UBE3C: variants seen among roughly 807,000 people sequenced by gnomAD.
UBE3C encodes ubiquitin protein ligase E3C.
In UBE3C, 42 loss-of-function variants were observed where a neutral mutation model predicts 129.4. The observed-to-expected ratio is 0.32, with a 90% CI of 0.25 to 0.42. The LOEUF is 0.42. UBE3C is among the 10% of genes least tolerant of loss of function. The pLI, the probability that UBE3C is intolerant of heterozygous loss-of-function variation, is 1.00. For synonymous variants in UBE3C, 510 were observed against 492.4 expected (o/e 1.04, Z -0.47); for missense variants, 1,049 against 1,319.1 (o/e 0.80, Z 3.17).
chr7:157,189,054 C>T lies in UBE3C; in HGVS notation c.1331+2033C>T, dbSNP rs530569581. ...GACACAGGACAGTATGTAGAAGAAC[C>T]GGCTTTTCCTATAAGAAGGATGGAA... On this transcript the variant is annotated intron_variant, in intron 10 of 22. Coordinates refer to ENST00000348165, the MANE Select transcript of UBE3C (RefSeq NM_014671.3). The T allele has an allele frequency of 3.3e-5, 14 of 427,212 alleles. No individual in the cohort carries two copies. The Admixed American group carries it at 3.6e-4, about 11-fold the overall frequency. The allele number at this position is 427,212 out of a possible 1,614,324, so 26.5% of individuals were successfully genotyped here.
intron 22 of UBE3C, among the ~76,000 whole-genome samples, chr7:157,261,737 T>A (rs1796919819): frequency 6.6e-6 from 1 of 152,232 alleles, no homozygotes; most frequent in Admixed American, 6.5e-5. Context: ...AAGAATAACA[T>A]CTGCTAAAGC....
At chr7:157,151,432 A>G (rs1326918861) in intron 1 of UBE3C, among the ~76,000 whole-genome samples, 1 of 152,212 alleles carries the variant, frequency 6.6e-6, no homozygotes, top group East Asian at 1.9e-4. Context: ...TGGAAATGTA[A>G]CAAAGAAATT....
Position 157,175,137 on chromosome 7 carries a change from C to CTTTTTTTTTTTTTTT in UBE3C, c.458+110_458+124dup, listed in dbSNP as rs56852731. ...TTTCAGAGACAGTGGCTTTTCCATA[C>CTTTTTTTTTTTTTTT]TTTTTTTTTTTTTTTTTTTTTGAGG... On this transcript the variant is annotated intron_variant, in intron 5 of 22. Coordinates refer to ENST00000348165, the MANE Select transcript of UBE3C (RefSeq NM_014671.3). 3.8e-4 allele frequency: 95 copies of CTTTTTTTTTTTTTTT among 252,752 alleles called. 5 individuals carry two copies. Among genetic ancestry groups the CTTTTTTTTTTTTTTT allele is most frequent in the African/African-American group, 1.1e-3 (27 of 24,224 alleles). 15.7% of individuals were successfully genotyped at this position (252,752 alleles called of 1,614,324 possible).
intron 4 of UBE3C, among the ~76,000 whole-genome samples, chr7:157,173,239 C>T (rs532203642): frequency 5.3e-5 from 8 of 152,036 alleles, no homozygotes; most frequent in South Asian, 2.1e-4. Context: ...TAGCTGGCTG[C>T]GGTAGCTTGC....
chr7:157,226,174 ATATT>A (rs1277319762), intron 17 of UBE3C, among the ~76,000 whole-genome samples: 154 of 152,208 alleles, frequency 1.0e-3, no homozygotes, highest in Non-Finnish European at 1.0e-4. Context: ...TTTTGTATAA[ATATT>A]TATATGAAAT....
chr7:157,182,410 C>T (rs953134209), intron 8 of UBE3C, 82 bp downstream of exon 8: 34 of 1,413,772 alleles, frequency 2.4e-5, no homozygotes, highest in Non-Finnish European at 3.0e-5. Flanking sequence ...CATGCAGTGG[C>T]AGGTGTTATG....
intron 18 of UBE3C, among the ~76,000 whole-genome samples, chr7:157,242,162 G>A (rs1419215651): frequency 2.0e-5 from 3 of 152,188 alleles, no homozygotes; most frequent in Non-Finnish European, 4.4e-5. Context: ...CAAAGGAATC[G>A]TGCGGTAGGT....
intron 4 of UBE3C, among the ~76,000 whole-genome samples, chr7:157,174,360 C>T (rs1289397391): frequency 1.3e-5 from 2 of 152,130 alleles, no homozygotes; most frequent in Non-Finnish European, 2.9e-5. Flanking sequence ...ATTTTTGTTT[C>T]AGATTGACAT....
Position 157,181,678 on chromosome 7 carries a change from CTG to C in UBE3C, c.770+8_770+9del. 6.2e-7 allele frequency: 1 copy of C among 1,611,868 alleles called. No homozygotes were observed. The highest frequency in any genetic ancestry group is 8.5e-7 in the Non-Finnish European group (1 of 1,179,500). On this transcript the variant is annotated splice_region_variant and intron_variant, in intron 7 of 22. Transcript: ENST00000348165. ...CCTGTCCGGAAGGTGCGAGGTGAGA[CTG>C]GAATGGATTTATTGATTTTGTCCTT...
At chr7:157,233,469 A>G (rs1796076318) in intron 18 of UBE3C, among the ~76,000 whole-genome samples, 1 of 152,084 alleles carries the variant, frequency 6.6e-6, no homozygotes. Context: ...TCGTAGAGGC[A>G]GGGTCTTGCC....
intron 22 of UBE3C, among the ~76,000 whole-genome samples, chr7:157,260,886 A>G (rs1796885067): frequency 1.3e-5 from 2 of 152,228 alleles, no homozygotes; most frequent in Admixed American, 1.3e-4. Context: ...ACGTGTGCCT[A>G]GGAGTGCGAG....
At position 157,262,898 on chromosome 7, in the gene UBE3C, T is replaced by C. The variant is rs537464699; in HGVS notation, c.3082-4687T>C. Reference sequence around the variant, plus strand: ...CCAAAGGTTCCTGCAGAATGGGACATTGCTCTAGTTTGATTCACATTTGAC... The same window carrying C: ...CCAAAGGTTCCTGCAGAATGGGACACTGCTCTAGTTTGATTCACATTTGAC... On this transcript the variant is annotated intron_variant, in intron 22 of 22. Coordinates refer to ENST00000348165, the MANE Select transcript of UBE3C (RefSeq NM_014671.3). The C allele has an allele frequency of 2.0e-5, 3 of 152,348 alleles. No homozygotes were observed. The East Asian group carries it at 5.8e-4, about 29-fold the overall frequency. 9.4% of individuals were successfully genotyped at this position (152,348 alleles called of 1,614,324 possible). A position where few individuals can be genotyped will look rare whatever the true frequency, so the allele number is the denominator to read the frequency against.
At chr7:157,241,124 T>C (rs1490636870) in intron 18 of UBE3C, among the ~76,000 whole-genome samples, 3 of 151,742 alleles carry the variant, frequency 2.0e-5, no homozygotes, top group Non-Finnish European at 4.4e-5. Context: ...GGTTCAAGGG[T>C]GCAAAAGAGA....
chr7:157,256,902 A>G lies in UBE3C; in HGVS notation c.2951-12A>G, dbSNP rs1796766464. On this transcript the variant is annotated splice_polypyrimidine_tract_variant and intron_variant, in intron 21 of 22. Coordinates refer to ENST00000348165, the MANE Select transcript of UBE3C (RefSeq NM_014671.3). ...TTTGCATTTCATAAAGCATGTGTTC[A>G]TTTTGCCATAGGAGGCTATTCTGCA... The G allele has an allele frequency of 6.2e-7, 1 of 1,613,908 alleles. No homozygotes were observed. Among genetic ancestry groups the G allele is most frequent in the South Asian group, 1.1e-5 (1 of 91,046 alleles).
intron 22 of UBE3C, among the ~76,000 whole-genome samples, chr7:157,263,655 C>T (rs1363932709): frequency 2.8e-5 from 4 of 144,910 alleles, no homozygotes; most frequent in South Asian, 2.1e-4. Context: ...GAGAGCAAGA[C>T]GCCAACTCAA....
intron 1 of UBE3C, among the ~76,000 whole-genome samples, chr7:157,153,995 T>TGG (rs59577520): frequency 1.2e-4 from 18 of 147,780 alleles, no homozygotes; most frequent in Admixed American, 3.4e-4. Flanking sequence ...AGGCCCTGTC[T>TGG]GGGGGGGGAA....
At chr7:157,233,151 A>G (rs1248029676) in intron 18 of UBE3C, among the ~76,000 whole-genome samples, 2 of 151,988 alleles carry the variant, frequency 1.3e-5, no homozygotes, top group Non-Finnish European at 2.9e-5. Flanking sequence ...TTGTTATATC[A>G]ACTATAAATT....
chr7:157,187,157 G>A lies in UBE3C; in HGVS notation c.1331+136G>A, dbSNP rs369839802. On this transcript the variant is annotated intron_variant, in intron 10 of 22. Coordinates refer to ENST00000348165, the MANE Select transcript of UBE3C (RefSeq NM_014671.3). ...ATGTAGGATATTCTACTGTCCAAGC[G>A]TTTCATAAAAAATAATTTGTGTTTT... 314 of 1,089,016 alleles carry A rather than the reference G, an allele frequency of 2.9e-4. 3 individuals are homozygous for A. The African/African-American group carries it at 3.3e-3, about 12-fold the overall frequency. The allele number at this position is 1,089,016 out of a possible 1,614,324, so 67.5% of individuals were successfully genotyped here. A position where few individuals can be genotyped will look rare whatever the true frequency, so the allele number is the denominator to read the frequency against.
At chr7:157,217,641 C>T in intron 14 of UBE3C, among the ~76,000 whole-genome samples, 1 of 151,896 alleles carries the variant, frequency 6.6e-6, no homozygotes, top group Non-Finnish European at 1.5e-5. Context: ...TTGAGACCAG[C>T]CTGGCCAACA....
Sources: allele counts gnomAD v4.1 joint callset (sites outside exome capture counted in the v4.1 genomes callset), GRCh38; gene constraint gnomAD v4.1.1; transcripts MANE v1.5; gene names NCBI Gene and HGNC (gene_info 2026-07-23, HGNC 2026-07-21).